Variants in TNPO2 observed in about 807,000 individuals in gnomAD.
The protein encoded by TNPO2 is transportin 2, also known as transportin-2.
TNPO2 carries 16 observed loss-of-function variants against 111.1 expected under a neutral mutation model. That is an observed-to-expected ratio of 0.14 (90% CI 0.10 to 0.22). The LOEUF is 0.22. Among genes scored for constraint, TNPO2 ranks in the 10% least tolerant of loss-of-function variants. TNPO2 has a pLI of 1.00. For missense variants in TNPO2, 530 were observed against 1,173.7 expected (o/e 0.45, Z 8.01); for synonymous variants, 481 against 475.8 (o/e 1.01, Z -0.14).
Position 12,701,085 on chromosome 19 carries a change from A to C in TNPO2, c.*179T>G. 3 of 396,794 alleles carry C rather than the reference A, an allele frequency of 7.6e-6. No individual in the cohort carries two copies. The highest frequency in any genetic ancestry group is 4.4e-5 in the East Asian group (1 of 22,770). The allele number at this position is 396,794 out of a possible 1,614,324, so 24.6% of individuals were successfully genotyped here. On this transcript the variant is annotated 3_prime_UTR_variant, in exon 26 of 26. Transcript: ENST00000425528. The surrounding 1 kb of genome is among the most constrained non-coding windows in gnomAD (Gnocchi z 5.0). ...ATGGTGGCCCCACCCACCTGCCAGG[A>C]GGGCAAGTGGACGGATGGACGGACG... is the stretch of plus-strand genomic sequence containing the variant.
rs1217285289 is a variant in TNPO2 at position 12,701,253 on chromosome 19, G to A, written c.*21-10C>T. On this transcript the variant is annotated splice_polypyrimidine_tract_variant and intron_variant, in intron 25 of 25. Coordinates refer to ENST00000425528, the MANE Select transcript of TNPO2 (RefSeq NM_001382241.1). The surrounding 1 kb of genome is among the most constrained non-coding windows in gnomAD (Gnocchi z 5.0). ...CGACGCAGACAGAAACCTGCAGGGG[G>A]AGGAGGAAGGTCATGGCCTGGGACC... The A allele has an allele frequency of 1.6e-5, 16 of 973,224 alleles. No homozygotes were observed. The South Asian group carries it at 1.9e-4, about 12-fold the overall frequency. The allele number at this position is 973,224 out of a possible 1,614,324, so 60.3% of individuals were successfully genotyped here.
intron 5 of TNPO2, 146 bp downstream of exon 5, chr19:12,718,883 G>T: frequency 2.7e-6 from 3 of 1,122,452 alleles, no homozygotes; most frequent in Non-Finnish European, 3.8e-6. Context: ...ATAGCTCAGC[G>T]CCTCAGCTTC....
At position 12,721,428 on chromosome 19, in the gene TNPO2, G is replaced by A. The variant is rs887902288; in HGVS notation, c.-13-438C>T. On this transcript the variant is annotated intron_variant, in intron 2 of 25. Coordinates refer to ENST00000425528, the MANE Select transcript of TNPO2 (RefSeq NM_001382241.1). The surrounding 1 kb of genome is among the most constrained non-coding windows in gnomAD (Gnocchi z 4.9). ...CGGCCCCCGTGGTCTCTTCTATGCA[G>A]GCACAGTCCCTGAAGAGTCCCCTTC... 4 of 607,420 alleles carry A rather than the reference G, an allele frequency of 6.6e-6. No homozygotes were observed. Among genetic ancestry groups the A allele is most frequent in the Admixed American group, 2.4e-5 (1 of 41,172 alleles). 37.6% of individuals were successfully genotyped at this position (607,420 alleles called of 1,614,324 possible).
intron 13 of TNPO2, among the ~76,000 whole-genome samples, chr19:12,707,030 G>C (rs10401842): frequency 6.6e-6 from 1 of 152,106 alleles, no homozygotes; most frequent in African/African-American, 2.4e-5. Context: ...GCAGAGTCTC[G>C]CTCTGTCGCC....
Position 12,706,110 on chromosome 19 carries a change from C to T in TNPO2, c.1668+86G>A, listed in dbSNP as rs2025645653. 1.5e-5 allele frequency: 23 copies of T among 1,490,186 alleles called. No individual in the cohort carries two copies. Among genetic ancestry groups the T allele is most frequent in the Admixed American group, 2.0e-5 (1 of 50,540 alleles). 92.3% of individuals were successfully genotyped at this position (1,490,186 alleles called of 1,614,324 possible). A position where few individuals can be genotyped will look rare whatever the true frequency, so the allele number is the denominator to read the frequency against. ...GCCTGTCGAGGTCACGGCCACGTCC[C>T]TGGCGTGCAACACGGGGTTGCCACC... On this transcript the variant is annotated intron_variant, in intron 15 of 25. Coordinates refer to ENST00000425528, the MANE Select transcript of TNPO2 (RefSeq NM_001382241.1). The surrounding 1 kb of genome is among the most constrained non-coding windows in gnomAD (Gnocchi z 7.0).
At chr19:12,704,833 C>T (rs1048011939) in intron 18 of TNPO2, among the ~76,000 whole-genome samples, 3 of 152,060 alleles carry the variant, frequency 2.0e-5, no homozygotes, top group Non-Finnish European at 2.9e-5. Flanking sequence ...CAGGCGCCTA[C>T]CACCATGCCT....
intron 13 of TNPO2, among the ~76,000 whole-genome samples, chr19:12,708,446 T>A (rs564955451): frequency 2.9e-4 from 44 of 151,170 alleles, no homozygotes; most frequent in East Asian, 5.8e-4. Flanking sequence ...TTTTTTTTTT[T>A]AAAATATCAC....
At chr19:12,709,562 T>C (rs943688214) in intron 13 of TNPO2, among the ~76,000 whole-genome samples, 1 of 151,944 alleles carries the variant, frequency 6.6e-6, no homozygotes, top group African/African-American at 2.4e-5. Context: ...CATGGCTCAC[T>C]GCAGCCTTGA....
At chr19:12,703,565 G>A (rs745954874) in intron 19 of TNPO2, 39 bp from the exon 20 acceptor site, 2 of 1,603,838 alleles carry the variant, frequency 1.2e-6, no homozygotes, top group East Asian at 2.2e-5. Flanking sequence ...AGGAGGGCCA[G>A]CCAGGGTAAG....
chr19:12,723,568 A>T (rs889662203), intron 1 of TNPO2: 1 of 152,198 alleles, frequency 6.6e-6, no homozygotes, highest in African/African-American at 2.4e-5. Context: ...ATTGTTCCTT[A>T]AAAACGTGGC....
At position 12,706,100 on chromosome 19, in the gene TNPO2, G is replaced by T; in HGVS notation, c.1668+96C>A. 6 of 1,420,724 alleles carry T rather than the reference G, an allele frequency of 4.2e-6. No homozygotes were observed. The highest frequency in any genetic ancestry group is 5.7e-6 in the Non-Finnish European group (6 of 1,052,110). 88.0% of individuals were successfully genotyped at this position (1,420,724 alleles called of 1,614,324 possible). A position where few individuals can be genotyped will look rare whatever the true frequency, so the allele number is the denominator to read the frequency against. ...CTGTCTGTCTGCCTGTCGAGGTCACGGCCACGTCCCTGGCGTGCAACACGG... is the reference window on the plus strand; with the variant it reads ...CTGTCTGTCTGCCTGTCGAGGTCACTGCCACGTCCCTGGCGTGCAACACGG... On this transcript the variant is annotated intron_variant, in intron 15 of 25. Transcript: ENST00000425528. The surrounding 1 kb of genome is among the most constrained non-coding windows in gnomAD (Gnocchi z 7.0).
chr19:12,702,487 C>T lies in TNPO2; in HGVS notation c.2306-310G>A. On this transcript the variant is annotated intron_variant, in intron 21 of 25. Transcript: ENST00000425528. The surrounding 1 kb of genome is among the most constrained non-coding windows in gnomAD (Gnocchi z 5.5). Reference sequence around the variant, plus strand: ...TTGGCTCATTGCAACCTGCCTCAGCCTCCCGAGTAGCTGGGATTGCAGGCA... The same window carrying T: ...TTGGCTCATTGCAACCTGCCTCAGCTTCCCGAGTAGCTGGGATTGCAGGCA... 1 of 561,170 alleles carries T rather than the reference C, an allele frequency of 1.8e-6. No homozygotes were observed. Among genetic ancestry groups the T allele is most frequent in the Non-Finnish European group, 3.2e-6 (1 of 309,670 alleles). 34.8% of individuals were successfully genotyped at this position (561,170 alleles called of 1,614,324 possible). A position where few individuals can be genotyped will look rare whatever the true frequency, so the allele number is the denominator to read the frequency against.
chr19:12,706,124 G>A lies in TNPO2; in HGVS notation c.1668+72C>T, dbSNP rs775899509. ...CGGCCACGTCCCTGGCGTGCAACAC[G>A]GGGTTGCCACCAGGTCACTGGATGC... On this transcript the variant is annotated intron_variant, in intron 15 of 25. Transcript: ENST00000425528. This position sits in a 1 kb window ranked among gnomAD's most constrained non-coding sequence, Gnocchi z 7.0. 14 of 1,543,982 alleles carry A rather than the reference G, an allele frequency of 9.1e-6. No individual in the cohort carries two copies. The highest frequency in any genetic ancestry group is 6.9e-5 in the East Asian group (3 of 43,726).
At chr19:12,716,786 G>A (rs1216475706) in intron 5 of TNPO2, among the ~76,000 whole-genome samples, 3 of 152,098 alleles carry the variant, frequency 2.0e-5, no homozygotes, top group African/African-American at 7.2e-5. Flanking sequence ...CTTGATATCT[G>A]AGCCAAGGCC....
At chr19:12,717,520 C>T (rs1212829911) in intron 5 of TNPO2, among the ~76,000 whole-genome samples, 2 of 152,086 alleles carry the variant, frequency 1.3e-5, no homozygotes, top group African/African-American at 4.8e-5. Context: ...GATCCACCTG[C>T]CTCAGCCTCC....
At position 12,706,623 on chromosome 19, in the gene TNPO2, C is replaced by T; in HGVS notation, c.1443G>A (p.Glu481=). The change falls in exon 14 of 26, where the codon GAG becomes GAA. Residue 481 remains glutamate (E), a synonymous_variant. Coordinates refer to ENST00000425528, the MANE Select transcript of TNPO2 (RefSeq NM_001382241.1). The surrounding 1 kb of genome is among the most constrained non-coding windows in gnomAD (Gnocchi z 7.0). ...TGCCATCCAGGATGCGTTTGAGCAGCTCTGTCATCAGGGGCTTGAGGTGCA... is the reference window on the plus strand; with the variant it reads ...TGCCATCCAGGATGCGTTTGAGCAGTTCTGTCATCAGGGGCTTGAGGTGCA... The part of the protein sequence containing the change: ...PDMHLKPLMT[E]LLKRILDGNK... 1.9e-6 allele frequency: 3 copies of T among 1,614,040 alleles called. No homozygotes were observed. Among genetic ancestry groups the T allele is most frequent in the Non-Finnish European group, 2.5e-6 (3 of 1,179,922 alleles).
At position 12,706,389 on chromosome 19, in the gene TNPO2, C is replaced by CGG; in HGVS notation, c.1497-24_1497-23dup. 6.2e-7 allele frequency: 1 copy of CGG among 1,613,804 alleles called. No homozygotes were observed. Among genetic ancestry groups the CGG allele is most frequent in the Non-Finnish European group, 8.5e-7 (1 of 1,179,940 alleles). ...AGCACTGGTGGGAGGGAGGATGAAG[C>CGG]GGGGGCTCAGTGGACCATGGCAGGT... On this transcript the variant is annotated intron_variant, in intron 14 of 25. Coordinates refer to ENST00000425528, the MANE Select transcript of TNPO2 (RefSeq NM_001382241.1). This position sits in a 1 kb window ranked among gnomAD's most constrained non-coding sequence, Gnocchi z 7.0.
At chr19:12,704,351 A>G (rs1344586594) in intron 18 of TNPO2, among the ~76,000 whole-genome samples, 2 of 149,282 alleles carry the variant, frequency 1.3e-5, no homozygotes, top group African/African-American at 4.9e-5. Context: ...CCTGGGTGAC[A>G]GAGTGAGACT....
intron 5 of TNPO2, among the ~76,000 whole-genome samples, chr19:12,717,268 CTTTTTTTTTTT>C: frequency 8.2e-6 from 1 of 122,370 alleles, no homozygotes; most frequent in East Asian, 2.2e-4. Context: ...CTTTTTCTCT[CTTTTTTTTTTT>C]TTTTTTTTTT....
Sources: gnomAD v4.1 joint callset for allele counts (sites outside exome capture counted in the v4.1 genomes callset) on GRCh38, gnomAD v4.1.1 for gene constraint, Gnocchi (gnomAD v3.1) non-coding constraint, MANE v1.5 for transcripts, NCBI Gene and HGNC (gene_info 2026-07-23, HGNC 2026-07-21) for gene names.